Variants in PRRC1 observed in about 807,000 individuals in gnomAD.
PRRC1 encodes protein PRRC1.
A neutral mutation model predicts 40.7 loss-of-function variants in PRRC1; 39 were observed. The observed-to-expected ratio is 0.96, with a 90% CI of 0.74 to 1.25. The LOEUF (loss-of-function observed/expected upper bound fraction) is 1.25. PRRC1 is among the 50% of genes most tolerant of loss of function. The pLI is 0.00. For synonymous variants in PRRC1, 175 were observed against 193.3 expected, an observed-to-expected ratio of 0.91 and a Z score of 0.79; for missense variants, 573 against 548.3, an observed-to-expected ratio of 1.05 and a Z score of -0.45.
intron 2 of PRRC1, 65 bp from the exon 3 acceptor site, chr5:127,524,466 C>G: frequency 6.7e-7 from 1 of 1,484,670 alleles, no homozygotes; most frequent in Non-Finnish European, 9.0e-7. Context: ...AGTAATTAGA[C>G]AGTTTGAAAA....
intron 2 of PRRC1, among the ~76,000 whole-genome samples, 199 bp from the exon 3 acceptor site, chr5:127,524,332 T>C (rs1767543347): frequency 1.3e-5 from 2 of 152,242 alleles, no homozygotes; most frequent in South Asian, 4.1e-4. Context: ...ATACAGCTGC[T>C]TCTTTTACTT....
chr5:127,553,698 C>T lies in PRRC1; in HGVS notation c.*1782C>T. The T allele has an allele frequency of 3.4e-6, 5 of 1,490,784 alleles. No homozygotes were observed. Among genetic ancestry groups the T allele is most frequent in the Non-Finnish European group, 3.5e-6 (4 of 1,127,492 alleles). 92.3% of individuals were successfully genotyped at this position (1,490,784 alleles called of 1,614,324 possible). A position where few individuals can be genotyped will look rare whatever the true frequency, so the allele number is the denominator to read the frequency against. ...GAAATCTTACAGATTCTAAAAATAC[C>T]TTAATTTTTCTTTGATTTTTATTTT... On this transcript the variant is annotated 3_prime_UTR_variant, in exon 9 of 9. Coordinates refer to ENST00000296666, the MANE Select transcript of PRRC1 (RefSeq NM_130809.5).
chr5:127,548,002 T>G, intron 8 of PRRC1, 81 bp downstream of exon 8: 6 of 952,760 alleles, frequency 6.3e-6, no homozygotes, highest in Non-Finnish European at 1.0e-5. Context: ...TGTTCGGTTT[T>G]TTTGTTAGAA....
At chr5:127,527,749 C>T (rs1767659587) in intron 4 of PRRC1, among the ~76,000 whole-genome samples, 1 of 112,810 alleles carries the variant, frequency 8.9e-6, no homozygotes, top group South Asian at 3.2e-4. Flanking sequence ...CAGAGTGAGA[C>T]ACTGTCTCAA....
In PRRC1 at chr5:127,533,397, C is replaced by T. The variant is rs540282168; in HGVS notation, c.758-226C>T. Among the ~76,000 whole-genome samples the T allele has an allele frequency of 9.2e-5, 14 of 152,088 alleles. 1 individual carries two copies. The East Asian group carries it at 2.5e-3, about 27-fold the overall frequency. On this transcript the variant is annotated intron_variant, in intron 5 of 8. Coordinates refer to ENST00000296666, the MANE Select transcript of PRRC1 (RefSeq NM_130809.5). ...ATTTCTGGCTTGTGATATGTAATGT[C>T]AGTTTTGAGTCCTGACATTAGTGCT...
At chr5:127,535,556 A>C (rs1368683149) in intron 6 of PRRC1, among the ~76,000 whole-genome samples, 2 of 152,184 alleles carry the variant, frequency 1.3e-5, no homozygotes, top group East Asian at 3.8e-4. Context: ...TTGAGATTAT[A>C]AATAAATTTC....
chr5:127,552,909 G>T lies in PRRC1; in HGVS notation c.*993G>T. 1 of 940,096 alleles carries T rather than the reference G, an allele frequency of 1.1e-6. No homozygotes were observed. Among genetic ancestry groups the T allele is most frequent in the Non-Finnish European group, 1.3e-6 (1 of 788,982 alleles). 58.2% of individuals were successfully genotyped at this position (940,096 alleles called of 1,614,324 possible). On this transcript the variant is annotated 3_prime_UTR_variant, in exon 9 of 9. Coordinates refer to ENST00000296666, the MANE Select transcript of PRRC1 (RefSeq NM_130809.5). ...CATTTGGTCTTTACTTTTTATGGAT[G>T]TTTTCAAAGAAACTATTTTATATTC...
chr5:127,521,480 A>G (rs1468704557), intron 1 of PRRC1, among the ~76,000 whole-genome samples: 1 of 152,250 alleles, frequency 6.6e-6, no homozygotes, highest in African/African-American at 2.4e-5. Context: ...TAGCTGCGTT[A>G]GGATAAGAAC....
chr5:127,547,727 T>G lies in PRRC1; in HGVS notation c.1026-92T>G, dbSNP rs568083251. On this transcript the variant is annotated intron_variant, in intron 7 of 8. Transcript: ENST00000296666. ...GATTTCCTTTTTGAAATCTGTTCTA[T>G]CTGAATAATAGTACTTGTTTTTTCT... is the stretch of plus-strand genomic sequence containing the variant. 4 of 768,526 alleles carry G rather than the reference T, an allele frequency of 5.2e-6. No homozygotes were observed. In the South Asian group the frequency reaches 6.6e-5, roughly 13 times the overall value. 47.6% of individuals were successfully genotyped at this position (768,526 alleles called of 1,614,324 possible). A position where few individuals can be genotyped will look rare whatever the true frequency, so the allele number is the denominator to read the frequency against.
rs1043564730 is a variant in PRRC1 at position 127,553,873 on chromosome 5, G to T, written c.*1957G>T. On this transcript the variant is annotated 3_prime_UTR_variant, in exon 9 of 9. Transcript: ENST00000296666. ...TGAAGCTAGAAATTTTCCTGCCCCT[G>T]GTGACCTGGTAAGCCTCCTGCTCGG... 14 of 1,535,566 alleles carry T rather than the reference G, an allele frequency of 9.1e-6. No homozygotes were observed. The highest frequency in any genetic ancestry group is 1.2e-5 in the Non-Finnish European group (14 of 1,146,618).
chr5:127,546,492 T>C (rs2127115614), intron 7 of PRRC1, among the ~76,000 whole-genome samples: 1 of 152,308 alleles, frequency 6.6e-6, no homozygotes, highest in East Asian at 1.9e-4. Flanking sequence ...AACAAAACTC[T>C]AGAGTCTTTA....
At chr5:127,520,830 TA>T (rs1265493523) in intron 1 of PRRC1, among the ~76,000 whole-genome samples, 2 of 152,174 alleles carry the variant, frequency 1.3e-5, no homozygotes, top group Non-Finnish European at 2.9e-5. Context: ...ATAAGATCTA[TA>T]GTTAATAGTG....
intron 7 of PRRC1, among the ~76,000 whole-genome samples, chr5:127,539,925 A>G (rs1767995288): frequency 6.6e-6 from 1 of 151,834 alleles, no homozygotes; most frequent in East Asian, 1.9e-4. Flanking sequence ...ATTTCAGTGG[A>G]GGTAACTCTG....
intron 4 of PRRC1, among the ~76,000 whole-genome samples, chr5:127,528,581 G>A (rs1475405026): frequency 6.6e-6 from 1 of 152,082 alleles, no homozygotes; most frequent in African/African-American, 2.4e-5. Context: ...CTCCCAAAGT[G>A]CTGGGATTAC....
rs1345674718 is a variant in PRRC1 at position 127,554,026 on chromosome 5, T to G, written c.*2110T>G. On this transcript the variant is annotated 3_prime_UTR_variant, in exon 9 of 9. Transcript: ENST00000296666. ...GAAAAGCAGCGGAGCATGACTGACT[T>G]CACATGCTCAGCTTTCTCAGCCTTT... 10 of 883,990 alleles carry G rather than the reference T, an allele frequency of 1.1e-5. No individual in the cohort carries two copies. In the African/African-American group the frequency reaches 1.2e-4, roughly 11 times the overall value. The allele number at this position is 883,990 out of a possible 1,614,324, so 54.8% of individuals were successfully genotyped here. A position where few individuals can be genotyped will look rare whatever the true frequency, so the allele number is the denominator to read the frequency against.
In PRRC1 at chr5:127,547,770, AAGT is replaced by A. The variant is rs547094105; in HGVS notation, c.1026-48_1026-46del. On this transcript the variant is annotated intron_variant, in intron 7 of 8. Coordinates refer to ENST00000296666, the MANE Select transcript of PRRC1 (RefSeq NM_130809.5). ...TTTTTTCTTTTTGTCTATTCATGAT[AAGT>A]TTTATTTGGCATATAAACCATTTGA... 5.8e-4 allele frequency: 716 copies of A among 1,243,946 alleles called. 14 individuals carry two copies. The South Asian group carries it at 8.6e-3, about 15-fold the overall frequency. 77.1% of individuals were successfully genotyped at this position (1,243,946 alleles called of 1,614,324 possible). A position where few individuals can be genotyped will look rare whatever the true frequency, so the allele number is the denominator to read the frequency against.
chr5:127,538,650 G>T (rs973097346), intron 6 of PRRC1, among the ~76,000 whole-genome samples: 1 of 151,974 alleles, frequency 6.6e-6, no homozygotes, highest in Non-Finnish European at 1.5e-5. Context: ...ATTCAAGAGA[G>T]AATTAACTGC....
At position 127,530,381 on chromosome 5, in the gene PRRC1, A is replaced by G; in HGVS notation, c.742A>G (p.Met248Val). ...ESMITTLDPG[M>V]APYIKSGGEL... The stretch of plus-strand genomic sequence containing the variant: ...CATGATTACAACGCTGGACCCTGGC[A>G]TGGCTCCCTATATCAGTATGTACAT... The change falls in exon 5 of 9, where the codon ATG (methionine) becomes GTG (valine). Residue 248 changes from methionine (M) to valine (V), a missense_variant. Coordinates refer to ENST00000296666, the MANE Select transcript of PRRC1 (RefSeq NM_130809.5). The G allele has an allele frequency of 1.2e-6, 2 of 1,613,564 alleles. No homozygotes were observed. Among genetic ancestry groups the G allele is most frequent in the Non-Finnish European group, 1.7e-6 (2 of 1,179,578 alleles).
At chr5:127,528,358 A>C (rs1482378262) in intron 4 of PRRC1, among the ~76,000 whole-genome samples, 1 of 151,854 alleles carries the variant, frequency 6.6e-6, no homozygotes, top group Admixed American at 6.6e-5. Context: ...CTTGTCGCCC[A>C]GGCTGGAGTG....
Sources: allele counts gnomAD v4.1 joint callset (sites outside exome capture counted in the v4.1 genomes callset), GRCh38; gene constraint gnomAD v4.1.1; transcripts MANE v1.5; gene names NCBI Gene and HGNC (gene_info 2026-07-23, HGNC 2026-07-21).